The following BRWD1 variants were observed in gnomAD, a reference collection of about 807,000 sequenced individuals.
BRWD1 encodes bromodomain and WD repeat-containing protein 1.
A neutral mutation model predicts 251.2 loss-of-function variants in BRWD1; 82 were observed. That is an observed-to-expected ratio of 0.33 (90% CI 0.27 to 0.39). BRWD1 has a LOEUF of 0.39. Among genes scored for constraint, BRWD1 ranks in the 10% least tolerant of loss-of-function variants. The pLI is 1.00. For synonymous variants in BRWD1, 918 were observed against 902.8 expected (o/e 1.02, Z -0.30); for missense variants, 2,233 against 2,711.6 (o/e 0.82, Z 3.92).
intron 21 of BRWD1, among the ~76,000 whole-genome samples, chr21:39,244,921 A>T (rs866997248): frequency 8.9e-6 from 1 of 112,524 alleles, no homozygotes; most frequent in Non-Finnish European, 1.9e-5. Context: ...CTTTGGAAGA[A>T]ATATATATAT....
At chr21:39,222,052 A>G (rs1032415942) in intron 29 of BRWD1, among the ~76,000 whole-genome samples, 5 of 152,204 alleles carry the variant, frequency 3.3e-5, no homozygotes, top group Admixed American at 3.3e-4. Context: ...GTTAAAAAAA[A>G]CAAAAGTATC....
rs917259178 is a variant in BRWD1 at position 39,194,463 on chromosome 21, T to C, written c.*1796A>G. The C allele has an allele frequency of 3.6e-6, 5 of 1,375,668 alleles. No individual in the cohort carries two copies. The African/African-American group carries it at 7.3e-5, about 20-fold the overall frequency. The allele number at this position is 1,375,668 out of a possible 1,614,324, so 85.2% of individuals were successfully genotyped here. ...AGGACAATTATCATGAATCAATCTGTTTACTATCTACTTAACACAAGTTCT... is the reference window on the plus strand; with the variant it reads ...AGGACAATTATCATGAATCAATCTGCTTACTATCTACTTAACACAAGTTCT... On this transcript the variant is annotated 3_prime_UTR_variant, in exon 41 of 41. Transcript: ENST00000342449.
intron 4 of BRWD1, among the ~76,000 whole-genome samples, chr21:39,301,022 C>CA (rs1224334245): frequency 6.6e-6 from 1 of 151,920 alleles, no homozygotes; most frequent in African/African-American, 2.4e-5. Context: ...ACTAAAAATA[C>CA]AAAAAAATTA....
intron 17 of BRWD1, among the ~76,000 whole-genome samples, chr21:39,261,907 A>C (rs1050586731): frequency 1.3e-5 from 2 of 152,230 alleles, no homozygotes; most frequent in Admixed American, 6.5e-5. Flanking sequence ...AGAGTACTTA[A>C]TACTTAAATC....
At chr21:39,293,659 CATGATTTGT>C (rs764000864) in intron 8 of BRWD1, 143 bp downstream of exon 8, 224 of 661,620 alleles carry the variant, frequency 3.4e-4, no homozygotes, top group Non-Finnish European at 4.5e-4. Flanking sequence ...ATCAGCCTTC[CATGATTTGT>C]ATGATTTGTA....
chr21:39,202,680 T>C (rs1248649637), intron 37 of BRWD1, 135 bp from the exon 38 acceptor site: 6 of 625,554 alleles, frequency 9.6e-6, no homozygotes, highest in Non-Finnish European at 1.6e-5. Flanking sequence ...ATTAAAATAT[T>C]CACTATTAAC....
chr21:39,279,565 G>A (rs371384612), intron 9 of BRWD1, among the ~76,000 whole-genome samples: 12 of 148,854 alleles, frequency 8.1e-5, no homozygotes, highest in East Asian at 7.8e-4. Context: ...CTTGAACCCA[G>A]GAGGCAGAGG....
intron 7 of BRWD1, among the ~76,000 whole-genome samples, chr21:39,294,360 G>A (rs2146749683): frequency 6.6e-6 from 1 of 152,236 alleles, no homozygotes; most frequent in Admixed American, 6.5e-5. Context: ...ACTAACAATG[G>A]TTAAATGTTA....
chr21:39,252,017 A>G (rs936443455), intron 19 of BRWD1, among the ~76,000 whole-genome samples: 4 of 152,118 alleles, frequency 2.6e-5, no homozygotes, highest in Admixed American at 6.5e-5. Flanking sequence ...CTGTAATCCC[A>G]GCACTTTAGG....
intron 4 of BRWD1, among the ~76,000 whole-genome samples, chr21:39,312,255 TCAA>T (rs1015628892): frequency 2.0e-5 from 3 of 152,152 alleles, no homozygotes; most frequent in Non-Finnish European, 1.5e-5. Flanking sequence ...AACTCATCAA[TCAA>T]CTACTGCGTT....
chr21:39,213,911 A>T (rs2146502200), intron 32 of BRWD1, among the ~76,000 whole-genome samples: 1 of 150,700 alleles, frequency 6.6e-6, no homozygotes, highest in African/African-American at 2.4e-5. Context: ...TAAGGTAAAA[A>T]AAATATATAT....
In BRWD1 at chr21:39,298,518, A is replaced by G. The variant is rs1359553261; in HGVS notation, c.263T>C (p.Met88Thr). Reference protein sequence around the residue: ...LLQICQRIGPMLDKEIPPSIS... With the variant: ...LLQICQRIGPTLDKEIPPSIS... ...ACTGGGTGGAATTTCTTTATCCAAC[A>G]TAGGACCGATGCGCTGGCAGATTTG... The change falls in exon 5 of 41, where the codon ATG (methionine) becomes ACG (threonine). Residue 88 changes from methionine to threonine, a missense_variant. Met to Thr is a moderately conservative substitution (Grantham distance 81). Around this residue, in one of 12 missense-constraint regions of BRWD1, gnomAD observed 185 missense variants for 260.6 expected, o/e 0.71. Coordinates refer to ENST00000342449, the MANE Select transcript of BRWD1 (RefSeq NM_033656.4). 6.2e-7 allele frequency: 1 copy of G among 1,611,446 alleles called. No homozygotes were observed.
At chr21:39,254,281 A>G (rs1262529572) in intron 19 of BRWD1, among the ~76,000 whole-genome samples, 6 of 152,182 alleles carry the variant, frequency 3.9e-5, no homozygotes, top group Admixed American at 1.3e-4. Context: ...AAAAGAAATA[A>G]CATTTCTTAC....
At chr21:39,313,807 G>A (rs2036617261), upstream of BRWD1, 1 of 367,044 alleles carries the variant, frequency 2.7e-6, no homozygotes, top group Non-Finnish European at 5.0e-6. Flanking sequence ...AAGTGACGCG[G>A]AGGCAAAGAC....
chr21:39,266,913 T>G (rs2034940291), intron 15 of BRWD1, among the ~76,000 whole-genome samples: 1 of 152,222 alleles, frequency 6.6e-6, no homozygotes. Flanking sequence ...TTTTTTCAGA[T>G]TATTCTTTGG....
At chr21:39,237,860 A>T (rs926993212) in intron 22 of BRWD1, among the ~76,000 whole-genome samples, 2 of 152,174 alleles carry the variant, frequency 1.3e-5, no homozygotes, top group Admixed American at 6.5e-5. Context: ...TTATGTTCTT[A>T]AAAAAATCAT....
rs142189970 is a variant in BRWD1 at position 39,236,754 on chromosome 21, T to C, written c.2607A>G (p.Thr869=). Residue 869 remains threonine (T), a synonymous_variant, in exon 23 of 41, where the codon ACA becomes ACG. Coordinates refer to ENST00000342449, the MANE Select transcript of BRWD1 (RefSeq NM_033656.4). ...SDSSSRYSDW[T]ADAGINLQPP... ...GCTGCAAATTGATGCCCGCATCAGC[T>C]GTCCAATCGGAATATCTAGATGAAG... 115 of 1,613,794 alleles carry C rather than the reference T, an allele frequency of 7.1e-5. No individual in the cohort carries two copies. Among genetic ancestry groups the C allele is most frequent in the Non-Finnish European group, 9.3e-5 (110 of 1,179,982 alleles).
chr21:39,237,769 C>T (rs1264405230), intron 22 of BRWD1, among the ~76,000 whole-genome samples: 1 of 152,100 alleles, frequency 6.6e-6, no homozygotes, highest in African/African-American at 2.4e-5. Context: ...CGTAACAGTA[C>T]TGAACTGCAT....
chr21:39,305,546 T>C (rs1229843745), intron 4 of BRWD1, among the ~76,000 whole-genome samples: 2 of 152,100 alleles, frequency 1.3e-5, no homozygotes, highest in African/African-American at 2.4e-5. Flanking sequence ...CTGACCATTA[T>C]GGTGAAATCC....
Sources: gnomAD v4.1 joint callset for allele counts (sites outside exome capture counted in the v4.1 genomes callset) on GRCh38, gnomAD v4.1.1 for gene constraint, gnomAD v4.1.1 regional missense constraint, MANE v1.5 for transcripts, NCBI Gene and HGNC (gene_info 2026-07-23, HGNC 2026-07-21) for gene names.